Variants in GPR137B observed in about 807,000 individuals in gnomAD.
GPR137B encodes the protein integral membrane protein GPR137B.
In GPR137B, 42 loss-of-function variants were observed where a neutral mutation model predicts 42.5. That is an observed-to-expected ratio of 0.99 (90% CI 0.77 to 1.28). The LOEUF is 1.28. GPR137B is among the 50% of genes most tolerant of loss of function. The pLI is 0.00. For missense variants in GPR137B, 487 were observed against 493.9 expected, an observed-to-expected ratio of 0.99 and a Z score of 0.13; for synonymous variants, 218 against 209.7, an observed-to-expected ratio of 1.04 and a Z score of -0.34.
At chr1:236,180,345 G>T (rs886396237) in intron 4 of GPR137B, among the ~76,000 whole-genome samples, 4 of 151,810 alleles carry the variant, frequency 2.6e-5, no homozygotes, top group African/African-American at 9.7e-5. Flanking sequence ...TGAGTCTGCA[G>T]ATGTGGAACC....
chr1:236,189,594 C>T (rs1403980938), intron 5 of GPR137B, among the ~76,000 whole-genome samples: 1 of 152,154 alleles, frequency 6.6e-6, no homozygotes, highest in South Asian at 2.1e-4. Flanking sequence ...CATTCAGGAG[C>T]AGGTTATTCA....
At chr1:236,143,293 G>A (rs766687162) in intron 1 of GPR137B, among the ~76,000 whole-genome samples, 4 of 152,272 alleles carry the variant, frequency 2.6e-5, no homozygotes, top group Non-Finnish European at 5.9e-5. Flanking sequence ...CGCTGCCCCT[G>A]GCTCCGCATC....
chr1:236,170,608 G>A (rs1662506470), intron 2 of GPR137B, among the ~76,000 whole-genome samples: 1 of 152,192 alleles, frequency 6.6e-6, no homozygotes, highest in Admixed American at 6.5e-5. Context: ...TAAAGTACAG[G>A]TTGAGTGTCC....
At chr1:236,205,353 G>C in intron 6 of GPR137B, 103 bp downstream of exon 6, 1 of 934,394 alleles carries the variant, frequency 1.1e-6, no homozygotes, top group East Asian at 2.4e-5. Context: ...AAACTGTGCA[G>C]CCTTAGGTGG....
At chr1:236,144,667 A>G (rs1661634092) in intron 1 of GPR137B, among the ~76,000 whole-genome samples, 1 of 152,242 alleles carries the variant, frequency 6.6e-6, no homozygotes, top group Non-Finnish European at 1.5e-5. Flanking sequence ...CCTGCAAACC[A>G]GTTCAGGCAG....
At chr1:236,151,417 C>CCTTTTTTTTTTTTTTT (rs1405128961) in intron 1 of GPR137B, among the ~76,000 whole-genome samples, 2 of 126,570 alleles carry the variant, frequency 1.6e-5, no homozygotes. Flanking sequence ...GTTGCATATT[C>CCTTTTTTTTTTTTTTT]ATTTTTTTTT....
chr1:236,202,109 T>C (rs1663508322), intron 5 of GPR137B, among the ~76,000 whole-genome samples: 1 of 152,068 alleles, frequency 6.6e-6, no homozygotes. Flanking sequence ...CATCTTCAGA[T>C]CTCCCAGCTA....
chr1:236,148,823 A>T (rs1358400316), intron 1 of GPR137B, among the ~76,000 whole-genome samples: 4 of 152,102 alleles, frequency 2.6e-5, no homozygotes, highest in African/African-American at 9.7e-5. Flanking sequence ...CTTATGAATG[A>T]GGAGGCAGCC....
intron 5 of GPR137B, among the ~76,000 whole-genome samples, chr1:236,199,002 T>C (rs1663420283): frequency 6.6e-6 from 1 of 152,198 alleles, no homozygotes; most frequent in African/African-American, 2.4e-5. Flanking sequence ...GCTTTCAACT[T>C]TTCCTGATTC....
intron 1 of GPR137B, among the ~76,000 whole-genome samples, chr1:236,157,660 C>T (rs1662072234): frequency 1.3e-5 from 2 of 152,156 alleles, no homozygotes; most frequent in African/African-American, 4.8e-5. Context: ...GCTCAGAGCC[C>T]CACATACTCA....
intron 1 of GPR137B, among the ~76,000 whole-genome samples, chr1:236,167,041 G>A (rs1277842003): frequency 1.3e-5 from 2 of 152,222 alleles, no homozygotes; most frequent in South Asian, 4.1e-4. Flanking sequence ...CCCCGAGGCC[G>A]AGGGTAGGTT....
intron 5 of GPR137B, among the ~76,000 whole-genome samples, chr1:236,185,618 C>T (rs947984721): frequency 8.5e-5 from 13 of 152,288 alleles, no homozygotes; most frequent in African/African-American, 1.9e-4. Context: ...TGCAGTGGCA[C>T]GATCACAGCT....
In GPR137B at chr1:236,207,201, T is replaced by C; in HGVS notation, c.1092-849T>C. 5 of 985,162 alleles carry C rather than the reference T, an allele frequency of 5.1e-6. No homozygotes were observed. In the South Asian group the frequency reaches 2.3e-4, roughly 46 times the overall value. 61.0% of individuals were successfully genotyped at this position (985,162 alleles called of 1,614,324 possible). On this transcript the variant is annotated intron_variant, in intron 6 of 6. Coordinates refer to ENST00000366592, the MANE Select transcript of GPR137B (RefSeq NM_003272.4). ...CAGTGATCGGGGAGCAGAGAAATCCTGGTCAGATAGGATAAAAGATTGTCG... is the reference window on the plus strand; with the variant it reads ...CAGTGATCGGGGAGCAGAGAAATCCCGGTCAGATAGGATAAAAGATTGTCG...
intron 1 of GPR137B, among the ~76,000 whole-genome samples, chr1:236,148,516 T>C (rs1457108162): frequency 1.3e-5 from 2 of 152,046 alleles, no homozygotes; most frequent in African/African-American, 4.8e-5. Context: ...GAGAAGCGAG[T>C]TCTCTCCATG....
At chr1:236,196,693 G>A (rs1340635531) in intron 5 of GPR137B, among the ~76,000 whole-genome samples, 1 of 152,108 alleles carries the variant, frequency 6.6e-6, no homozygotes, top group East Asian at 1.9e-4. Context: ...CTGCTTATAA[G>A]TGAGAAGATA....
chr1:236,179,990 C>A lies in GPR137B; in HGVS notation c.799C>A (p.His267Asn). Residue 267 changes from histidine (H) to asparagine (N), a missense_variant, in exon 4 of 7, where the codon CAT becomes AAT. Transcript: ENST00000366592. ...GTCATTTTCTCAGAACAAGAGCGTC[C>A]ATTCCTTTGATTATGACTGGTACAA... is the stretch of plus-strand genomic sequence containing the variant. ...ILSFSQNKSV[H>N]SFDYDWYNVS... 1 of 1,613,712 alleles carries A rather than the reference C, an allele frequency of 6.2e-7. No individual in the cohort carries two copies. Among genetic ancestry groups the A allele is most frequent in the Non-Finnish European group, 8.5e-7 (1 of 1,179,674 alleles).
intron 5 of GPR137B, among the ~76,000 whole-genome samples, 200 bp from the exon 6 acceptor site, chr1:236,204,926 A>G (rs564722347): frequency 1.3e-5 from 2 of 152,322 alleles, no homozygotes; most frequent in Non-Finnish European, 2.9e-5. Flanking sequence ...CTGATAGAAG[A>G]CTTTGCCCAT....
intron 5 of GPR137B, among the ~76,000 whole-genome samples, chr1:236,203,789 C>G (rs1290637162): frequency 6.6e-6 from 1 of 151,920 alleles, no homozygotes; most frequent in Non-Finnish European, 1.5e-5. Context: ...CTTTTTGTTT[C>G]TTTTTCAGAT....
intron 5 of GPR137B, among the ~76,000 whole-genome samples, chr1:236,197,861 C>T (rs1373439402): frequency 6.6e-6 from 1 of 152,116 alleles, no homozygotes; most frequent in Non-Finnish European, 1.5e-5. Context: ...GGTGGGATTA[C>T]AGGCATCTAC....
Sources: gnomAD v4.1 joint callset for allele counts (sites outside exome capture counted in the v4.1 genomes callset) on GRCh38, gnomAD v4.1.1 for gene constraint, MANE v1.5 for transcripts, NCBI Gene and HGNC (gene_info 2026-07-23, HGNC 2026-07-21) for gene names.